The following ILRUN variants were observed in gnomAD, a reference collection of about 807,000 sequenced individuals.
ILRUN encodes the protein protein ILRUN.
A neutral mutation model predicts 33.8 loss-of-function variants in ILRUN; 3 were observed. That is an observed-to-expected ratio of 0.09 (90% confidence interval 0.04 to 0.23). The LOEUF is 0.23. Among genes scored for constraint, ILRUN ranks in the 10% least tolerant of loss-of-function variants. ILRUN has a pLI of 1.00. For synonymous variants in ILRUN, 124 were observed against 138.9 expected (o/e 0.89, Z 0.75); for missense variants, 210 against 375.1 (o/e 0.56, Z 3.64).
intron 1 of ILRUN, among the ~76,000 whole-genome samples, chr6:34,682,964 A>AT: frequency 6.6e-6 from 1 of 151,724 alleles, no homozygotes; most frequent in Non-Finnish European, 1.5e-5. Context: ...CCCCATCTCT[A>AT]AAAAAATTTT....
chr6:34,676,487 G>C (rs1049795416), intron 1 of ILRUN, among the ~76,000 whole-genome samples: 2 of 142,456 alleles, frequency 1.4e-5, no homozygotes, highest in Admixed American at 6.8e-5. Flanking sequence ...TAGATAGGTA[G>C]ATATGCAAAG....
intron 1 of ILRUN, among the ~76,000 whole-genome samples, chr6:34,688,156 A>T (rs901417476): frequency 6.6e-6 from 1 of 151,734 alleles, no homozygotes; most frequent in Admixed American, 6.6e-5. Context: ...TGTAATCCCA[A>T]AACTTTGGGA....
chr6:34,654,066 T>C (rs1440803466), intron 2 of ILRUN, among the ~76,000 whole-genome samples: 1 of 151,700 alleles, frequency 6.6e-6, no homozygotes, highest in African/African-American at 2.4e-5. Flanking sequence ...CTGTCTCCCA[T>C]TTTGAGCAAA....
At chr6:34,682,451 G>A (rs1213683474) in intron 1 of ILRUN, among the ~76,000 whole-genome samples, 8 of 151,186 alleles carry the variant, frequency 5.3e-5, no homozygotes, top group South Asian at 4.2e-4. Context: ...GTAGAGACAC[G>A]GTTTCACCAT....
chr6:34,676,949 C>T (rs1297448473), intron 1 of ILRUN, among the ~76,000 whole-genome samples: 4 of 150,944 alleles, frequency 2.6e-5, no homozygotes, highest in South Asian at 2.1e-4. Flanking sequence ...CTGCCAATTC[C>T]GCTTCTCGGA....
chr6:34,663,630 C>A (rs1762937220), intron 1 of ILRUN, among the ~76,000 whole-genome samples: 1 of 152,124 alleles, frequency 6.6e-6, no homozygotes. Flanking sequence ...AGGCATGAGC[C>A]ACCCCGTCCA....
intron 1 of ILRUN, among the ~76,000 whole-genome samples, chr6:34,670,133 G>A (rs76569017): frequency 3.3e-5 from 5 of 151,948 alleles, no homozygotes; most frequent in Non-Finnish European, 7.4e-5. Context: ...GGCTGGTCTC[G>A]AACTTCTGAC....
At chr6:34,675,975 T>C (rs2744942) in intron 1 of ILRUN, among the ~76,000 whole-genome samples, 25,172 of 152,152 alleles carry the variant, frequency 0.17, 2,286 homozygotes, top group African/African-American at 0.22. Flanking sequence ...GCAAAACTCT[T>C]GTCCATCAAC....
rs564343502 is a variant in ILRUN at position 34,685,973 on chromosome 6, C to T, written c.158+10473G>A. 2.0e-5 allele frequency among the ~76,000 whole-genome samples: 3 copies of T among 152,110 alleles called. No homozygotes were observed. In the South Asian group the frequency reaches 6.2e-4, roughly 32 times the overall value. ...AATATAAAGAACTAAAACTATAAAACTCTTAGCAGAAAACAAAGGGATAAA... is the reference window on the plus strand; with the variant it reads ...AATATAAAGAACTAAAACTATAAAATTCTTAGCAGAAAACAAAGGGATAAA... On this transcript the variant is annotated intron_variant, in intron 1 of 4. Coordinates refer to ENST00000374023, the MANE Select transcript of ILRUN (RefSeq NM_024294.4).
intron 3 of ILRUN, among the ~76,000 whole-genome samples, chr6:34,638,836 C>G (rs1027174911): frequency 6.6e-6 from 1 of 152,088 alleles, no homozygotes; most frequent in Non-Finnish European, 1.5e-5. Context: ...GCAGATGAAG[C>G]CTTTTTGAGT....
intron 3 of ILRUN, among the ~76,000 whole-genome samples, chr6:34,632,359 T>C (rs1386189793): frequency 1.3e-5 from 2 of 152,058 alleles, no homozygotes; most frequent in African/African-American, 2.4e-5. Context: ...GAGAATAGCG[T>C]GAACCTGGGA....
chr6:34,622,474 A>G (rs1762030490), intron 3 of ILRUN, among the ~76,000 whole-genome samples: 1 of 152,116 alleles, frequency 6.6e-6, no homozygotes, highest in South Asian at 2.1e-4. Context: ...AACATTACTA[A>G]TCACCGGGGA....
intron 1 of ILRUN, among the ~76,000 whole-genome samples, chr6:34,684,979 T>C (rs1479811084): frequency 2.0e-5 from 3 of 152,188 alleles, no homozygotes; most frequent in Non-Finnish European, 4.4e-5. Flanking sequence ...AGGGTCTAGA[T>C]TGAAGCTGTG....
chr6:34,622,012 C>CA (rs1195618409), intron 3 of ILRUN, among the ~76,000 whole-genome samples: 1 of 152,134 alleles, frequency 6.6e-6, no homozygotes. Context: ...ACAGTCTTCT[C>CA]AAAAAACGAT....
chr6:34,617,567 C>T (rs2744967), intron 3 of ILRUN, among the ~76,000 whole-genome samples: 40,993 of 151,932 alleles, frequency 0.27, 5,770 homozygotes, highest in African/African-American at 0.35. Flanking sequence ...ATGCCACCTA[C>T]GCCTCAGCAC....
chr6:34,624,250 C>T (rs778734954), intron 3 of ILRUN, among the ~76,000 whole-genome samples: 2 of 152,180 alleles, frequency 1.3e-5, no homozygotes, highest in Admixed American at 6.5e-5. Context: ...TGAAGAAATA[C>T]TTCCAAGTAT....
chr6:34,605,697 A>C (rs1210265482), intron 4 of ILRUN, among the ~76,000 whole-genome samples: 1 of 152,228 alleles, frequency 6.6e-6, no homozygotes, highest in Non-Finnish European at 1.5e-5. Context: ...CAACATAGTC[A>C]CTTGCCCCTC....
chr6:34,673,855 A>G (rs1482446564), intron 1 of ILRUN, among the ~76,000 whole-genome samples: 1 of 149,144 alleles, frequency 6.7e-6, no homozygotes, highest in Non-Finnish European at 1.5e-5. Flanking sequence ...ACACACACAC[A>G]CACGCTGGGT....
chr6:34,676,201 C>A (rs763534068), intron 1 of ILRUN, among the ~76,000 whole-genome samples: 13 of 151,800 alleles, frequency 8.6e-5, no homozygotes, highest in East Asian at 1.9e-4. Context: ...CCCAGGAGTT[C>A]CAGACCAGCC....
Sources: gnomAD v4.1 joint callset for allele counts (sites outside exome capture counted in the v4.1 genomes callset) on GRCh38, gnomAD v4.1.1 for gene constraint, MANE v1.5 for transcripts, NCBI Gene and HGNC (gene_info 2026-07-23, HGNC 2026-07-21) for gene names.